XKR9: variants seen among roughly 807,000 people sequenced by gnomAD.
XKR9 encodes the protein XK-related protein 9.
Under a neutral mutation model 32.0 loss-of-function variants are expected in XKR9, and 32 were observed. The observed-to-expected ratio is 1.00, with a 90% CI of 0.76 to 1.34. XKR9 has a LOEUF of 1.34. Ranked by LOEUF, XKR9 falls within the 40% of genes most tolerant of loss-of-function variation. The pLI is 0.00. For missense variants in XKR9, 546 were observed against 429.7 expected (o/e 1.27, Z -2.39); for synonymous variants, 168 against 143.4 (o/e 1.17, Z -1.22).
At chr8:70,880,803 C>T in the XKR9 span, among the ~76,000 whole-genome samples, 6 of 152,074 alleles carry the variant, frequency 3.9e-5, no homozygotes, top group African/African-American at 9.7e-5. Context: ...AAAAAGAGCC[C>T]GTATAACCAA....
At chr8:71,019,611 G>A in the XKR9 span, among the ~76,000 whole-genome samples, 3 of 152,070 alleles carry the variant, frequency 2.0e-5, no homozygotes, top group Non-Finnish European at 4.4e-5. Flanking sequence ...TTATGTTTTT[G>A]TTAAATCTCT....
At chr8:70,701,992 A>G (rs1023506644) in intron 3 of XKR9, among the ~76,000 whole-genome samples, 2 of 152,268 alleles carry the variant, frequency 1.3e-5, no homozygotes, top group Non-Finnish European at 2.9e-5. Flanking sequence ...TCTTTTTAGT[A>G]CATATAAAAA....
At chr8:71,033,329 T>G in the XKR9 span, among the ~76,000 whole-genome samples, 5 of 152,140 alleles carry the variant, frequency 3.3e-5, no homozygotes, top group African/African-American at 1.2e-4. Context: ...AGGGCAGCTT[T>G]GAAGATTAGA....
At chr8:70,746,569 C>T (rs757311809) in intron 2 of XKR9, among the ~76,000 whole-genome samples, 13 of 151,294 alleles carry the variant, frequency 8.6e-5, no homozygotes, top group Non-Finnish European at 1.9e-4. Flanking sequence ...TAGGAAAGGA[C>T]TAGAGGAAAA....
At chr8:70,871,817 G>A in the XKR9 span, among the ~76,000 whole-genome samples, 7 of 152,184 alleles carry the variant, frequency 4.6e-5, no homozygotes, top group Non-Finnish European at 8.8e-5. Flanking sequence ...CAGGCATGTT[G>A]AAACCTGAGA....
At chr8:70,931,599 T>C in the XKR9 span, among the ~76,000 whole-genome samples, 1 of 152,322 alleles carries the variant, frequency 6.6e-6, no homozygotes, top group East Asian at 1.9e-4. Context: ...GGCTGGATAA[T>C]TTAGAAAGAA....
the XKR9 span, among the ~76,000 whole-genome samples, chr8:70,937,474 T>G: frequency 6.6e-6 from 1 of 152,024 alleles, no homozygotes; most frequent in Non-Finnish European, 1.5e-5. Context: ...TAGCCAAGTT[T>G]GTGAAGCCTA....
the XKR9 span, among the ~76,000 whole-genome samples, chr8:70,813,172 GA>G: frequency 6.6e-6 from 1 of 152,172 alleles, no homozygotes; most frequent in African/African-American, 2.4e-5. Flanking sequence ...TGACCAACTT[GA>G]CAAAAACAAG....
At chr8:70,794,880 A>G (rs142911161), downstream of XKR9, among the ~76,000 whole-genome samples, 462 of 150,014 alleles carry the variant, frequency 3.1e-3, 1 homozygote, top group Non-Finnish European at 5.7e-3. Flanking sequence ...TATCAGGATA[A>G]TACTATCCTC....
the XKR9 span, among the ~76,000 whole-genome samples, chr8:70,944,819 A>G: frequency 6.6e-6 from 1 of 152,242 alleles, no homozygotes; most frequent in Non-Finnish European, 1.5e-5. Flanking sequence ...GCATACAAGC[A>G]TATACACAAA....
chr8:71,063,071 T>TCC, the XKR9 span, among the ~76,000 whole-genome samples: 2 of 152,224 alleles, frequency 1.3e-5, no homozygotes, highest in African/African-American at 2.4e-5. Flanking sequence ...TGTAACTTGG[T>TCC]TTAGCATCTT....
At chr8:70,727,329 T>G (rs1259987499) in intron 4 of XKR9, among the ~76,000 whole-genome samples, 3 of 57,214 alleles carry the variant, frequency 5.2e-5, no homozygotes, top group African/African-American at 1.3e-4. Flanking sequence ...GAAGACAAGT[T>G]TTTTTTTTTT....
the XKR9 span, among the ~76,000 whole-genome samples, chr8:70,855,427 A>G: frequency 6.6e-6 from 1 of 152,070 alleles, no homozygotes; most frequent in Non-Finnish European, 1.5e-5. Context: ...AAGTTTAGAG[A>G]AAAAGAATAA....
intron 4 of XKR9, among the ~76,000 whole-genome samples, chr8:70,732,605 G>C (rs907194117): frequency 6.6e-6 from 1 of 152,206 alleles, no homozygotes; most frequent in Admixed American, 6.5e-5. Context: ...ATCATGATGG[G>C]AATTACAATA....
downstream of XKR9, among the ~76,000 whole-genome samples, chr8:70,740,580 T>C (rs1422326543): frequency 1.4e-5 from 2 of 145,524 alleles, no homozygotes; most frequent in African/African-American, 2.5e-5. Context: ...TCTGTTTTTT[T>C]CCCCATCTTT....
intron 3 of XKR9, among the ~76,000 whole-genome samples, chr8:70,789,695 T>TA (rs1358827871): frequency 2.0e-5 from 3 of 151,682 alleles, no homozygotes; most frequent in African/African-American, 7.3e-5. Flanking sequence ...TATGGGATCT[T>TA]AATTTTTCAT....
intron 4 of XKR9, among the ~76,000 whole-genome samples, chr8:70,725,970 A>C (rs2132227661): frequency 6.6e-6 from 1 of 152,300 alleles, no homozygotes; most frequent in South Asian, 2.1e-4. Context: ...ATTATGAAAA[A>C]AACTACAAAT....
chr8:71,006,784 C>T, the XKR9 span, among the ~76,000 whole-genome samples: 5 of 152,188 alleles, frequency 3.3e-5, no homozygotes, highest in South Asian at 8.3e-4. Context: ...GGCCCCAAAC[C>T]CTAAAATGGA....
intron 3 of XKR9, among the ~76,000 whole-genome samples, chr8:70,687,040 A>G (rs1057096135): frequency 2.0e-5 from 3 of 152,132 alleles, no homozygotes; most frequent in African/African-American, 7.2e-5. Context: ...TATGTTATCA[A>G]ATGCTAGAGC....
Sources: allele counts gnomAD v4.1 joint callset (sites outside exome capture counted in the v4.1 genomes callset), GRCh38; gene constraint gnomAD v4.1.1; transcripts MANE v1.5; gene names NCBI Gene and HGNC (gene_info 2026-07-23, HGNC 2026-07-21).